ACTR3: variants seen among roughly 807,000 people sequenced by gnomAD.
ACTR3 encodes the protein actin related protein 3.
A neutral mutation model predicts 56.8 loss-of-function variants in ACTR3; 12 were observed. The ratio of observed to expected loss-of-function variants is 0.21; its 90% confidence interval spans 0.14 to 0.34. The LOEUF (loss-of-function observed/expected upper bound fraction) is 0.34. Ranked by LOEUF, ACTR3 falls within the 10% of genes least tolerant of loss-of-function variation. The probability of loss-of-function intolerance (pLI) is 1.00; values close to 1 mark genes in which losing one functional copy is unlikely to be tolerated. For missense variants in ACTR3, 282 were observed against 512.5 expected (o/e 0.55, Z 4.34); for synonymous variants, 162 against 167.4 (o/e 0.97, Z 0.25).
chr2:113,938,681 A>G (rs539236284), intron 6 of ACTR3, among the ~76,000 whole-genome samples: 1 of 152,222 alleles, frequency 6.6e-6, no homozygotes, highest in East Asian at 1.9e-4. Context: ...ACTTTTTTCT[A>G]GAGGTCCTTT....
chr2:113,952,092 C>A, intron 10 of ACTR3: 2 of 403,602 alleles, frequency 5.0e-6, no homozygotes, highest in Non-Finnish European at 8.8e-6. Flanking sequence ...TTTTTAAATA[C>A]CTCTCTCATA....
At chr2:113,935,842 G>GC (rs1679814888) in intron 6 of ACTR3, among the ~76,000 whole-genome samples, 1 of 152,128 alleles carries the variant, frequency 6.6e-6, no homozygotes, top group African/African-American at 2.4e-5. Context: ...ATAATAGGTA[G>GC]TGAGGCTAGG....
At chr2:113,946,916 A>T (rs1383555091) in intron 8 of ACTR3, among the ~76,000 whole-genome samples, 1 of 152,206 alleles carries the variant, frequency 6.6e-6, no homozygotes, top group Non-Finnish European at 1.5e-5. Context: ...GGATTTTAAC[A>T]GTTTCTTTTC....
Position 113,908,649 on chromosome 2 carries a change from A to G in ACTR3, c.45-4523A>G, listed in dbSNP as rs536282737. ...TGTTCTTATTTTTAAAATTATTGCA[A>G]TGTATTTTCTGTACGCTTATTCTCT... On this transcript the variant is annotated intron_variant, in intron 1 of 11. Coordinates refer to ENST00000263238, the MANE Select transcript of ACTR3 (RefSeq NM_005721.5). Among the ~76,000 whole-genome samples, 9 of 151,934 alleles carry G rather than the reference A, an allele frequency of 5.9e-5. No homozygotes were observed. In the South Asian group the frequency reaches 8.3e-4, roughly 14 times the overall value.
intron 3 of ACTR3, among the ~76,000 whole-genome samples, chr2:113,919,269 A>T (rs1679463727): frequency 6.6e-6 from 1 of 152,182 alleles, no homozygotes; most frequent in Non-Finnish European, 1.5e-5. Flanking sequence ...TATATTGGTT[A>T]TTCTGTTTGA....
At chr2:113,945,378 A>G (rs1679997384) in intron 8 of ACTR3, among the ~76,000 whole-genome samples, 1 of 152,048 alleles carries the variant, frequency 6.6e-6, no homozygotes, top group African/African-American at 2.4e-5. Flanking sequence ...TATTGCAGGA[A>G]CATGGATGGA....
intron 6 of ACTR3, among the ~76,000 whole-genome samples, chr2:113,936,781 G>A (rs922620068): frequency 1.3e-5 from 2 of 152,154 alleles, no homozygotes; most frequent in African/African-American, 4.8e-5. Context: ...TACAATGTGA[G>A]GAGTGGGAAA....
chr2:113,928,048 CT>C (rs1679652078), intron 4 of ACTR3, among the ~76,000 whole-genome samples: 1 of 151,698 alleles, frequency 6.6e-6, no homozygotes, highest in Non-Finnish European at 1.5e-5. Flanking sequence ...TTTCTTCTGT[CT>C]TTAAGAATAT....
chr2:113,913,356 G>T, intron 2 of ACTR3, 129 bp downstream of exon 2: 1 of 612,064 alleles, frequency 1.6e-6, no homozygotes, highest in Non-Finnish European at 2.6e-6. Context: ...GATTTGCCAG[G>T]TTCTAAGTGT....
At chr2:113,897,816 A>C (rs1679037621) in intron 1 of ACTR3, among the ~76,000 whole-genome samples, 1 of 151,992 alleles carries the variant, frequency 6.6e-6, no homozygotes, top group South Asian at 2.1e-4. Flanking sequence ...TCTGCTCCCC[A>C]ACCCTAATAC....
At position 113,916,960 on chromosome 2, in the gene ACTR3, C is replaced by G; in HGVS notation, c.177C>G (p.Asp59Glu). The change falls in exon 3 of 12, where the codon GAC (aspartate) becomes GAG (glutamate). Residue 59 changes from aspartate (D) to glutamate (E), a missense_variant. Asp to Glu is a conservative substitution (Grantham distance 45, BLOSUM62 2). Coordinates refer to ENST00000263238, the MANE Select transcript of ACTR3 (RefSeq NM_005721.5). ...TGATGAAAGGTGTTGATGACCTAGA[C>G]TTCTTCATTGGTGATGAAGCAATAG... Reference protein sequence around the residue: ...RRVMKGVDDLDFFIGDEAIEK... With the variant: ...RRVMKGVDDLEFFIGDEAIEK... 1 of 1,610,320 alleles carries G rather than the reference C, an allele frequency of 6.2e-7. No homozygotes were observed. The highest frequency in any genetic ancestry group is 8.5e-7 in the Non-Finnish European group (1 of 1,177,676).
chr2:113,957,391 A>C lies in ACTR3; in HGVS notation c.1193A>C (p.Lys398Thr), dbSNP rs1242220884. 6.2e-7 allele frequency: 1 copy of C among 1,613,388 alleles called. No homozygotes were observed. The highest frequency in any genetic ancestry group is 8.5e-7 in the Non-Finnish European group (1 of 1,179,552). ...TTCTACCAAGTATGCCACACCAAAA[A>C]GGATTATGAAGAAATTGGACCTAGC... ...PEFYQVCHTK[K>T]DYEEIGPSIC... Residue 398 changes from lysine to threonine, a missense_variant, in exon 12 of 12, where the codon AAG (lysine) becomes ACG (threonine). Coordinates refer to ENST00000263238, the MANE Select transcript of ACTR3 (RefSeq NM_005721.5).
chr2:113,890,865 A>G lies in ACTR3; in HGVS notation c.44+542A>G, dbSNP rs962479310. The G allele has an allele frequency of 6.9e-6, 6 of 867,434 alleles. No homozygotes were observed. The African/African-American group carries it at 9.1e-5, about 13-fold the overall frequency. The allele number at this position is 867,434 out of a possible 1,614,324, so 53.7% of individuals were successfully genotyped here. On this transcript the variant is annotated intron_variant, in intron 1 of 11. Transcript: ENST00000263238. ...AATCGGACTCTGAAAATGGGAACCT[A>G]CAGTGGGGCTTTCATTTGACCACCC...
rs74521277 is a variant in ACTR3, at chr2:113,924,436, A to G, written c.226-2909A>G. Among the ~76,000 whole-genome samples, 539 of 152,034 alleles carry G rather than the reference A, an allele frequency of 3.5e-3. 1 individual carries two copies. The highest frequency in any genetic ancestry group is 6.2e-3 in the Non-Finnish European group (423 of 67,968). On this transcript the variant is annotated intron_variant, in intron 3 of 11. Transcript: ENST00000263238. ...GTGGCCCCTTGTCGTCCATACCACT[A>G]TTGGTACTCTTGTTCTCACTTGGTT...
intron 6 of ACTR3, among the ~76,000 whole-genome samples, chr2:113,938,084 C>G (rs1679860301): frequency 6.6e-6 from 1 of 151,964 alleles, no homozygotes. Context: ...TTCAAATTCA[C>G]TATTTTTTCT....
At position 113,958,393 on chromosome 2, in the gene ACTR3, A is replaced by C. The variant is rs946353506; in HGVS notation, c.*938A>C. 1 of 152,558 alleles carries C rather than the reference A, an allele frequency of 6.6e-6. No individual in the cohort carries two copies. The highest frequency in any genetic ancestry group is 1.5e-5 in the Non-Finnish European group (1 of 67,978). The allele number at this position is 152,558 out of a possible 1,614,324, so 9.5% of individuals were successfully genotyped here. A position where few individuals can be genotyped will look rare whatever the true frequency, so the allele number is the denominator to read the frequency against. The stretch of plus-strand genomic sequence containing the variant: ...AATGTGCTCAATACAAATACTTGTG[A>C]ACTTTTAATATGTTGAGTGCTTTCA... On this transcript the variant is annotated 3_prime_UTR_variant, in exon 12 of 12. Coordinates refer to ENST00000263238, the MANE Select transcript of ACTR3 (RefSeq NM_005721.5).
chr2:113,955,423 C>T (rs1002687396), intron 10 of ACTR3, 200 bp from the exon 11 acceptor site: 1 of 469,456 alleles, frequency 2.1e-6, no homozygotes, highest in Admixed American at 3.8e-5. Flanking sequence ...ATTTATTCTG[C>T]TCTGTTCCCT....
At chr2:113,916,633 A>C (rs1319935666) in intron 2 of ACTR3, among the ~76,000 whole-genome samples, 1 of 152,190 alleles carries the variant, frequency 6.6e-6, no homozygotes, top group East Asian at 1.9e-4. Context: ...TATATATTTG[A>C]AACTTTCCCA....
intron 3 of ACTR3, among the ~76,000 whole-genome samples, chr2:113,922,532 G>A (rs1679529497): frequency 6.6e-6 from 1 of 152,154 alleles, no homozygotes; most frequent in African/African-American, 2.4e-5. Flanking sequence ...CGGTAGGGGC[G>A]GCATTGACAC....
Sources: gnomAD v4.1 joint callset for allele counts (sites outside exome capture counted in the v4.1 genomes callset) on GRCh38, gnomAD v4.1.1 for gene constraint, MANE v1.5 for transcripts, NCBI Gene and HGNC (gene_info 2026-07-23, HGNC 2026-07-21) for gene names.